Variants in RELN observed in about 807,000 individuals in gnomAD.
The protein encoded by RELN is reelin.
RELN carries 108 observed loss-of-function variants against 427.6 expected under a neutral mutation model. The ratio of observed to expected loss-of-function variants is 0.25; its 90% confidence interval spans 0.22 to 0.30. The LOEUF (loss-of-function observed/expected upper bound fraction) is 0.30. RELN is among the 10% of genes least tolerant of loss of function. The pLI is 1.00. For synonymous variants in RELN, 1,524 were observed against 1,513.4 expected (o/e 1.01, Z -0.16); for missense variants, 3,715 against 4,302.8 (o/e 0.86, Z 3.82).
intron 45 of RELN, among the ~76,000 whole-genome samples, chr7:103,537,581 G>A (rs1476364718): frequency 4.6e-5 from 7 of 152,198 alleles, no homozygotes; most frequent in Admixed American, 4.6e-4. Flanking sequence ...CTGGGCTTAC[G>A]AGGGCAAAAT....
chr7:103,833,931 G>C (rs1793335968), intron 2 of RELN, among the ~76,000 whole-genome samples: 1 of 152,070 alleles, frequency 6.6e-6, no homozygotes, highest in Non-Finnish European at 1.5e-5. Context: ...ATTGATCTTT[G>C]CCTATCACCA....
At chr7:103,572,744 G>A (rs1455482269) in intron 30 of RELN, among the ~76,000 whole-genome samples, 1 of 151,466 alleles carries the variant, frequency 6.6e-6, no homozygotes, top group African/African-American at 2.4e-5. Context: ...CTAACACGGT[G>A]AAACCCCGTC....
chr7:103,858,161 G>A (rs1007790195), intron 2 of RELN, among the ~76,000 whole-genome samples: 3 of 152,128 alleles, frequency 2.0e-5, no homozygotes, highest in East Asian at 3.9e-4. Context: ...GCTGGCACTC[G>A]GCAGCTTGGG....
Position 103,499,847 on chromosome 7 carries a change from G to T in RELN, c.8667+898C>A, listed in dbSNP as rs2528878. 1.9e-3 allele frequency among the ~76,000 whole-genome samples: 283 copies of T among 152,218 alleles called. 2 individuals are homozygous for T. Among genetic ancestry groups the T allele is most frequent in the African/African-American group, 6.6e-3 (276 of 41,516 alleles). On this transcript the variant is annotated intron_variant, in intron 53 of 64. Coordinates refer to ENST00000428762, the MANE Select transcript of RELN (RefSeq NM_005045.4). The stretch of plus-strand genomic sequence containing the variant: ...TAATAAAATTTGAGTGCTCATGAAA[G>T]AAATTAGATTTTCAAAAGTTTATTA...
At position 103,989,112 on chromosome 7, in the gene RELN, G is replaced by C. The variant is rs1372711553; in HGVS notation, c.226+19C>G. On this transcript the variant is annotated intron_variant, in intron 1 of 64. Transcript: ENST00000428762. This position sits in a 1 kb window ranked among gnomAD's most constrained non-coding sequence, Gnocchi z 4.9. ...GGCGCACCCGGCGGCGGCGAGCGCG[G>C]AGGTGCTGCGGTACCTACCATGGTA... 1.2e-6 allele frequency: 2 copies of C among 1,609,050 alleles called. No individual in the cohort carries two copies. Among genetic ancestry groups the C allele is most frequent in the African/African-American group, 2.7e-5 (2 of 74,842 alleles).
intron 43 of RELN, among the ~76,000 whole-genome samples, 181 bp downstream of exon 43, chr7:103,542,550 C>A (rs1462308956): frequency 1.3e-5 from 2 of 152,138 alleles, no homozygotes; most frequent in Admixed American, 6.5e-5. Flanking sequence ...TAATCTCTTT[C>A]AATTTTAGAA....
intron 33 of RELN, 48 bp downstream of exon 33, chr7:103,566,176 T>C: frequency 6.8e-7 from 1 of 1,478,694 alleles, no homozygotes; most frequent in Non-Finnish European, 9.4e-7. Context: ...GTTAATTTAG[T>C]CCTCTAGTTA....
intron 57 of RELN, among the ~76,000 whole-genome samples, chr7:103,493,466 G>A (rs1828732287): frequency 6.6e-6 from 1 of 152,194 alleles, no homozygotes; most frequent in Non-Finnish European, 1.5e-5. Flanking sequence ...GTGCAAAGGT[G>A]TAGAAATGTG....
chr7:103,636,094 C>T (rs1005414012), intron 18 of RELN, 141 bp downstream of exon 18: 9 of 703,604 alleles, frequency 1.3e-5, no homozygotes, highest in South Asian at 8.2e-5. Context: ...AATTAACTCT[C>T]AATAAACTGT....
rs1020957157 is a variant in RELN at position 103,489,682 on chromosome 7, G to C, written c.9763+60C>G. ...TTTCCTAGTGGACTTTTGTATATAT[G>C]TTAAGATGAGGAGAACCTCTTGGTC... On this transcript the variant is annotated intron_variant, in intron 60 of 64. Transcript: ENST00000428762. The C allele has an allele frequency of 7.6e-6, 12 of 1,581,526 alleles. No homozygotes were observed. The African/African-American group carries it at 1.6e-4, about 21-fold the overall frequency.
chr7:103,699,399 T>C (rs1450545432), intron 9 of RELN, among the ~76,000 whole-genome samples: 1 of 152,164 alleles, frequency 6.6e-6, no homozygotes, highest in Non-Finnish European at 1.5e-5. Flanking sequence ...TTGAAATTGA[T>C]GAAGAGAATA....
At chr7:103,650,522 G>C in intron 15 of RELN, 139 bp from the exon 16 acceptor site, 1 of 716,586 alleles carries the variant, frequency 1.4e-6, no homozygotes, top group Non-Finnish European at 2.6e-6. Flanking sequence ...AAATTCACTT[G>C]TGGAATTTGT....
Position 103,597,184 on chromosome 7 carries a change from T to G in RELN, c.3334-523A>C, listed in dbSNP as rs147189249. ...CAATTAGATGAAATAACATGTTGCA[T>G]GGAACTTGCTAGTACACAGCATGCC... On this transcript the variant is annotated intron_variant, in intron 24 of 64. Coordinates refer to ENST00000428762, the MANE Select transcript of RELN (RefSeq NM_005045.4). Among the ~76,000 whole-genome samples, 751 of 152,316 alleles carry G rather than the reference T, an allele frequency of 4.9e-3. 4 individuals carry two copies. The highest frequency in any genetic ancestry group is 0.015 in the Admixed American group (222 of 15,298).
At chr7:103,480,878 A>C (rs1828208593) in intron 63 of RELN, among the ~76,000 whole-genome samples, 1 of 152,226 alleles carries the variant, frequency 6.6e-6, no homozygotes, top group Non-Finnish European at 1.5e-5. Flanking sequence ...TTGAGATAAT[A>C]ATGCAGGATA....
chr7:103,764,275 AT>A (rs1367102882), intron 4 of RELN, among the ~76,000 whole-genome samples: 1 of 152,164 alleles, frequency 6.6e-6, no homozygotes, highest in Non-Finnish European at 1.5e-5. Flanking sequence ...GGCACAAAAT[AT>A]TGTACCAGGC....
intron 1 of RELN, among the ~76,000 whole-genome samples, chr7:103,980,805 C>CT (rs367920430): frequency 2.0e-5 from 3 of 151,910 alleles, no homozygotes; most frequent in Admixed American, 1.3e-4. Flanking sequence ...TTTGAGTTGC[C>CT]TTTTTTTTCA....
intron 64 of RELN, among the ~76,000 whole-genome samples, chr7:103,474,795 T>C (rs767174371): frequency 2.1e-5 from 3 of 139,994 alleles, no homozygotes; most frequent in Admixed American, 7.1e-5. Flanking sequence ...CCTTAACTTT[T>C]TTCCTTTTAT....
intron 2 of RELN, among the ~76,000 whole-genome samples, chr7:103,879,228 A>G (rs1170822405): frequency 6.6e-6 from 1 of 152,186 alleles, no homozygotes; most frequent in African/African-American, 2.4e-5. Context: ...TACACAGATT[A>G]TATCTCTTTC....
chr7:103,892,336 A>G (rs1324609726), intron 2 of RELN, among the ~76,000 whole-genome samples: 2 of 152,186 alleles, frequency 1.3e-5, no homozygotes, highest in Admixed American at 6.5e-5. Context: ...CAGAAATTCT[A>G]TTGTTTACAC....
Sources: gnomAD v4.1 joint callset for allele counts (sites outside exome capture counted in the v4.1 genomes callset) on GRCh38, gnomAD v4.1.1 for gene constraint, Gnocchi (gnomAD v3.1) non-coding constraint, MANE v1.5 for transcripts, NCBI Gene and HGNC (gene_info 2026-07-23, HGNC 2026-07-21) for gene names.